The following C1QTNF3 variants were observed in gnomAD, a reference collection of about 807,000 sequenced individuals.
The protein encoded by C1QTNF3 is C1q and TNF related 3.
A neutral mutation model predicts 32.6 loss-of-function variants in C1QTNF3; 26 were observed. The observed-to-expected ratio is 0.80, with a 90% confidence interval of 0.58 to 1.11. The LOEUF (loss-of-function observed/expected upper bound fraction) is 1.11. Among genes scored for constraint, C1QTNF3 ranks in the 50% least tolerant of loss-of-function variants. The probability of loss-of-function intolerance (pLI) is 0.00; values close to 1 mark genes in which losing one functional copy is unlikely to be tolerated. For synonymous variants in C1QTNF3, 155 were observed against 146.0 expected (o/e 1.06, Z -0.44); for missense variants, 362 against 398.2 (o/e 0.91, Z 0.77).
chr5:34,070,555 A>G, the C1QTNF3 span, among the ~76,000 whole-genome samples: 1 of 152,192 alleles, frequency 6.6e-6, no homozygotes, highest in Non-Finnish European at 1.5e-5. Flanking sequence ...AGATTTGCAA[A>G]TAGCAGTATT....
the C1QTNF3 span, among the ~76,000 whole-genome samples, chr5:34,126,883 G>A: frequency 6.6e-6 from 1 of 152,196 alleles, no homozygotes. Context: ...CAGGGGTGGA[G>A]CCTGATGGGA....
At chr5:34,071,548 GAAAAAA>G in the C1QTNF3 span, among the ~76,000 whole-genome samples, 1 of 147,606 alleles carries the variant, frequency 6.8e-6, no homozygotes, top group African/African-American at 2.5e-5. Flanking sequence ...ACCAGAAACT[GAAAAAA>G]AAACATTCGT....
At chr5:34,054,036 C>T in the C1QTNF3 span, among the ~76,000 whole-genome samples, 2 of 152,310 alleles carry the variant, frequency 1.3e-5, no homozygotes, top group South Asian at 4.1e-4. Context: ...ATGGAAAGAC[C>T]TGGCGTTGGG....
chr5:34,034,923 T>G (rs566369797), intron 2 of C1QTNF3, among the ~76,000 whole-genome samples: 2 of 152,276 alleles, frequency 1.3e-5, no homozygotes, highest in African/African-American at 2.4e-5. Flanking sequence ...ATTTGATAAA[T>G]ATTAACATCA....
At chr5:34,156,683 T>C in the C1QTNF3 span, among the ~76,000 whole-genome samples, 2 of 152,218 alleles carry the variant, frequency 1.3e-5, no homozygotes, top group African/African-American at 4.8e-5. Context: ...CACATAGATG[T>C]TACTAGATAT....
the C1QTNF3 span, among the ~76,000 whole-genome samples, chr5:34,076,134 T>C: frequency 6.6e-6 from 1 of 151,574 alleles, no homozygotes; most frequent in African/African-American, 2.4e-5. Flanking sequence ...GAGAATTGTA[T>C]GGGGTTGCTG....
At chr5:34,170,234 A>G in the C1QTNF3 span, among the ~76,000 whole-genome samples, 1 of 152,214 alleles carries the variant, frequency 6.6e-6, no homozygotes, top group South Asian at 2.1e-4. Flanking sequence ...TGTAATAGTC[A>G]AACTCACAGA....
At chr5:34,146,949 C>T in the C1QTNF3 span, among the ~76,000 whole-genome samples, 1 of 152,108 alleles carries the variant, frequency 6.6e-6, no homozygotes, top group Non-Finnish European at 1.5e-5. Flanking sequence ...TATCCAGAAT[C>T]TATAATGAAC....
At chr5:34,125,071 C>A in the C1QTNF3 span, among the ~76,000 whole-genome samples, 1 of 152,156 alleles carries the variant, frequency 6.6e-6, no homozygotes, top group Non-Finnish European at 1.5e-5. Flanking sequence ...CATGACAAAA[C>A]TTCTCTACCT....
chr5:34,125,636 T>C, the C1QTNF3 span, among the ~76,000 whole-genome samples: 2 of 152,028 alleles, frequency 1.3e-5, no homozygotes, highest in Admixed American at 6.6e-5. Flanking sequence ...TTTCTAAACA[T>C]TCATGAATCA....
the C1QTNF3 span, among the ~76,000 whole-genome samples, chr5:34,066,581 T>C: frequency 6.6e-6 from 1 of 151,936 alleles, no homozygotes; most frequent in Non-Finnish European, 1.5e-5. Flanking sequence ...TAAGAAAATG[T>C]TGCAAATTTC....
the C1QTNF3 span, among the ~76,000 whole-genome samples, chr5:34,174,713 C>G: frequency 2.6e-5 from 4 of 152,168 alleles, no homozygotes; most frequent in Non-Finnish European, 5.9e-5. Flanking sequence ...CTCATCCACC[C>G]TACGTGAGAG....
the C1QTNF3 span, among the ~76,000 whole-genome samples, chr5:34,174,956 C>T: frequency 6.6e-6 from 1 of 151,660 alleles, no homozygotes; most frequent in African/African-American, 2.4e-5. Flanking sequence ...TCACTGTTAG[C>T]CAGGATGGTC....
At chr5:34,177,920 G>T in the C1QTNF3 span, among the ~76,000 whole-genome samples, 1 of 151,988 alleles carries the variant, frequency 6.6e-6, no homozygotes, top group African/African-American at 2.4e-5. Flanking sequence ...ACCACACCCA[G>T]CACTGCAGAG....
the C1QTNF3 span, among the ~76,000 whole-genome samples, chr5:34,207,748 C>G: frequency 0.012 from 1,855 of 151,918 alleles, 43 homozygotes; most frequent in African/African-American, 0.043. Flanking sequence ...GTAAAAAAAG[C>G]TCAGGATAAC....
chr5:34,185,198 AT>A, the C1QTNF3 span, among the ~76,000 whole-genome samples: 51 of 118,950 alleles, frequency 4.3e-4, no homozygotes, highest in Non-Finnish European at 5.4e-4. Context: ...ACTACAAAAA[AT>A]ATATATATAT....
the C1QTNF3 span, among the ~76,000 whole-genome samples, chr5:34,225,454 A>G: frequency 0.54 from 82,328 of 151,808 alleles, 24,419 homozygotes; most frequent in East Asian, 0.94. Flanking sequence ...ACAACTTTTC[A>G]AACAGTAAAT....
chr5:34,236,570 C>CTTTTTTT, the C1QTNF3 span, among the ~76,000 whole-genome samples: 130 of 27,274 alleles, frequency 4.8e-3, no homozygotes, highest in African/African-American at 8.1e-3. Context: ...TTTCTTTTTT[C>CTTTTTTT]TTTTTTTTTT....
the C1QTNF3 span, among the ~76,000 whole-genome samples, chr5:34,099,236 T>C: frequency 6.6e-6 from 1 of 152,148 alleles, no homozygotes; most frequent in Admixed American, 6.6e-5. Flanking sequence ...AACAGATGGA[T>C]CATCATTTTT....
Sources: gnomAD v4.1 joint callset for allele counts (sites outside exome capture counted in the v4.1 genomes callset) on GRCh38, gnomAD v4.1.1 for gene constraint, MANE v1.5 for transcripts, NCBI Gene and HGNC (gene_info 2026-07-23, HGNC 2026-07-21) for gene names.